PRORP: variants seen among roughly 807,000 people sequenced by gnomAD.
The protein encoded by PRORP is mitochondrial ribonuclease P catalytic subunit.
PRORP carries 51 observed loss-of-function variants against 59.4 expected under a neutral mutation model. That is an observed-to-expected ratio of 0.86 (90% CI 0.69 to 1.08). PRORP has a LOEUF of 1.08. Ranked by LOEUF, PRORP falls within the 50% of genes least tolerant of loss-of-function variation. The pLI is 0.00. For missense variants in PRORP, 646 were observed against 690.3 expected (o/e 0.94, Z 0.72); for synonymous variants, 231 against 245.6 (o/e 0.94, Z 0.55).
intron 7 of PRORP, 61 bp downstream of exon 7, chr14:35,270,657 A>T: frequency 1.4e-6 from 2 of 1,447,264 alleles, no homozygotes; most frequent in Non-Finnish European, 9.6e-7. Context: ...AGAATGTGGC[A>T]TAGAAAAAGA....
intron 5 of PRORP, among the ~76,000 whole-genome samples, chr14:35,244,667 CTG>C (rs1442687277): frequency 1.3e-5 from 2 of 152,076 alleles, no homozygotes; most frequent in Admixed American, 1.3e-4. Context: ...TGTGTAAAGA[CTG>C]TTTTAATATA....
intron 5 of PRORP, among the ~76,000 whole-genome samples, chr14:35,208,461 T>C (rs2049352158): frequency 6.6e-6 from 1 of 152,238 alleles, no homozygotes; most frequent in African/African-American, 2.4e-5. Flanking sequence ...ACATATAATG[T>C]AATTTTAAAT....
chr14:35,140,899 A>T (rs1296342161), intron 4 of PRORP, among the ~76,000 whole-genome samples: 1 of 146,348 alleles, frequency 6.8e-6, no homozygotes, highest in African/African-American at 2.4e-5. Flanking sequence ...ATTAGACAAC[A>T]TAGCCAGCAG....
chr14:35,144,457 T>G lies in PRORP; in HGVS notation c.1167+16846T>G. ...ATTTGGCTTTGGGAGGAGCAGGGATTTCCTTCTTTGCTTTCAGCATCATCA... is the reference window on the plus strand; with the variant it reads ...ATTTGGCTTTGGGAGGAGCAGGGATGTCCTTCTTTGCTTTCAGCATCATCA... On this transcript the variant is annotated intron_variant, in intron 4 of 7. Transcript: ENST00000534898. 1.4e-5 allele frequency: 2 copies of G among 146,276 alleles called. 1 individual carries two copies. Among genetic ancestry groups the G allele is most frequent in the Non-Finnish European group, 3.0e-5 (2 of 65,764 alleles). The allele number at this position is 146,276 out of a possible 1,614,324, so 9.1% of individuals were successfully genotyped here. A position where few individuals can be genotyped will look rare whatever the true frequency, so the allele number is the denominator to read the frequency against.
At chr14:35,256,819 A>G (rs888274748) in intron 5 of PRORP, among the ~76,000 whole-genome samples, 1 of 151,736 alleles carries the variant, frequency 6.6e-6, no homozygotes, top group Admixed American at 6.6e-5. Flanking sequence ...GCAGTTCATT[A>G]TGCTATTCTG....
At chr14:35,138,681 A>C (rs1438449235) in intron 4 of PRORP, among the ~76,000 whole-genome samples, 1 of 145,832 alleles carries the variant, frequency 6.9e-6, no homozygotes, top group Non-Finnish European at 1.5e-5. Flanking sequence ...TGTTGTTCAA[A>C]ACAAAGTAAA....
intron 4 of PRORP, among the ~76,000 whole-genome samples, chr14:35,137,083 T>C (rs1055070570): frequency 2.1e-5 from 3 of 145,704 alleles, no homozygotes; most frequent in African/African-American, 7.3e-5. Context: ...AGTAGTTTAA[T>C]GGGGGCCAAA....
chr14:35,165,738 G>A (rs1390760702), intron 4 of PRORP, among the ~76,000 whole-genome samples: 1 of 151,888 alleles, frequency 6.6e-6, no homozygotes, highest in East Asian at 1.9e-4. Flanking sequence ...GGAGTGCAGT[G>A]GCATGATCTT....
intron 3 of PRORP, among the ~76,000 whole-genome samples, 161 bp downstream of exon 3, chr14:35,126,943 C>T (rs185739521): frequency 6.6e-6 from 1 of 152,294 alleles, no homozygotes; most frequent in African/African-American, 2.4e-5. Flanking sequence ...AGAGACTTAG[C>T]AGTGCCCAAA....
rs796450876 is a variant in PRORP, at chr14:35,250,855, A to AT, written c.1276-15862dup. 4.0e-3 allele frequency among the ~76,000 whole-genome samples: 576 copies of AT among 145,706 alleles called. 5 individuals are homozygous for AT. The highest frequency in any genetic ancestry group is 1.0e-2 in the African/African-American group (394 of 39,548). ...TTTGGAGGTGGCCAATCTCCATTTT[A>AT]TTTTTTTTTTCGTTTTTTAAAATTT... On this transcript the variant is annotated intron_variant, in intron 5 of 7. Coordinates refer to ENST00000534898, the MANE Select transcript of PRORP (RefSeq NM_014672.4).
chr14:35,217,207 A>T (rs2049622654), intron 5 of PRORP, among the ~76,000 whole-genome samples: 1 of 152,124 alleles, frequency 6.6e-6, no homozygotes, highest in South Asian at 2.1e-4. Flanking sequence ...TACCTTAAGA[A>T]ACCATTGTCT....
At chr14:35,252,096 A>G (rs955588770) in intron 5 of PRORP, among the ~76,000 whole-genome samples, 1 of 152,200 alleles carries the variant, frequency 6.6e-6, no homozygotes, top group Non-Finnish European at 1.5e-5. Flanking sequence ...TTTCTACCAG[A>G]AAGTGCATTT....
intron 4 of PRORP, among the ~76,000 whole-genome samples, chr14:35,132,744 G>A (rs539164326): frequency 4.9e-5 from 7 of 143,098 alleles, no homozygotes; most frequent in East Asian, 2.1e-4. Context: ...CCAAGATTGC[G>A]CCACAGTACT....
chr14:35,206,794 T>C lies in PRORP; in HGVS notation c.1275+26017T>C, dbSNP rs79744105. ...CTAAGATTTTATGTTCCTGAGACCA[T>C]GGGGCTAAACTGGATTTTTTGTCAA... is the stretch of plus-strand genomic sequence containing the variant. On this transcript the variant is annotated intron_variant, in intron 5 of 7. Transcript: ENST00000534898. 4.0e-3 allele frequency among the ~76,000 whole-genome samples: 605 copies of C among 152,306 alleles called. 3 individuals carry two copies. The highest frequency in any genetic ancestry group is 0.014 in the African/African-American group (576 of 41,574).
Position 35,127,492 on chromosome 14 carries a change from G to C in PRORP, c.1048G>C (p.Gly350Arg). 1 of 1,606,126 alleles carries C rather than the reference G, an allele frequency of 6.2e-7. No individual in the cohort carries two copies. The highest frequency in any genetic ancestry group is 1.1e-5 in the South Asian group (1 of 89,708). The change falls in exon 4 of 8, where the codon GGC (glycine) becomes CGC (arginine). Residue 350 changes from glycine to arginine, a missense_variant. Coordinates refer to ENST00000534898, the MANE Select transcript of PRORP (RefSeq NM_014672.4). ...TTATAATTACAGTGGCCAGTGTTCG[G>C]GCTGTGGAAAAACCATAGAGTCTAT... is the stretch of plus-strand genomic sequence containing the variant. ...TTVRKSGQCSGCGKTIESIQL... is the reference protein window; with the variant it reads ...TTVRKSGQCSRCGKTIESIQL...
chr14:35,211,186 CT>C (rs1424859427), intron 5 of PRORP, among the ~76,000 whole-genome samples: 4 of 152,100 alleles, frequency 2.6e-5, no homozygotes, highest in East Asian at 1.9e-4. Context: ...CATAGTGGAA[CT>C]GGTGAACGTT....
intron 5 of PRORP, among the ~76,000 whole-genome samples, chr14:35,252,621 C>G (rs1169074390): frequency 1.3e-5 from 2 of 152,116 alleles, no homozygotes; most frequent in Non-Finnish European, 2.9e-5. Flanking sequence ...CTGTCCAGCT[C>G]TCTCTACGTG....
chr14:35,123,000 C>G lies in PRORP; in HGVS notation c.-246C>G, dbSNP rs1196262913. ...GCACCAGAGGATTCCTGCTCTGTCCCCTGGTTTGCGGCTTGCGACGTTGGA... is the reference window on the plus strand; with the variant it reads ...GCACCAGAGGATTCCTGCTCTGTCCGCTGGTTTGCGGCTTGCGACGTTGGA... On this transcript the variant is annotated 5_prime_UTR_variant, in exon 2 of 8. Coordinates refer to ENST00000534898, the MANE Select transcript of PRORP (RefSeq NM_014672.4). 6.0e-6 allele frequency: 3 copies of G among 501,624 alleles called. No homozygotes were observed. The highest frequency in any genetic ancestry group is 7.2e-6 in the Non-Finnish European group (2 of 278,468). The allele number at this position is 501,624 out of a possible 1,614,324, so 31.1% of individuals were successfully genotyped here.
At chr14:35,211,206 G>A (rs2049435776) in intron 5 of PRORP, among the ~76,000 whole-genome samples, 1 of 151,290 alleles carries the variant, frequency 6.6e-6, no homozygotes, top group Admixed American at 6.6e-5. Flanking sequence ...TTTTTTAGTG[G>A]GTAACACTAT....
Sources: allele counts gnomAD v4.1 joint callset (sites outside exome capture counted in the v4.1 genomes callset), GRCh38; gene constraint gnomAD v4.1.1; transcripts MANE v1.5; gene names NCBI Gene and HGNC (gene_info 2026-07-23, HGNC 2026-07-21).